Variants in ATP10B observed in about 807,000 individuals in gnomAD.
The protein encoded by ATP10B is phospholipid-transporting ATPase VB.
A neutral mutation model predicts 141.2 loss-of-function variants in ATP10B; 122 were observed. The ratio of observed to expected loss-of-function variants is 0.86; its 90% CI spans 0.75 to 1.00. The LOEUF (loss-of-function observed/expected upper bound fraction) is 1.00, where lower values mean the gene tolerates loss of function less well. Ranked by LOEUF, ATP10B falls within the 50% of genes least tolerant of loss-of-function variation. The probability of loss-of-function intolerance (pLI) is 0.00; values close to 1 mark genes in which losing one functional copy is unlikely to be tolerated. For missense variants in ATP10B, 1,876 were observed against 1,825.3 expected, an observed-to-expected ratio of 1.03 and a Z score of -0.51; for synonymous variants, 685 against 692.0, an observed-to-expected ratio of 0.99 and a Z score of 0.16.
chr5:160,842,273 C>T (rs1385804868), intron 1 of ATP10B, among the ~76,000 whole-genome samples: 1 of 152,054 alleles, frequency 6.6e-6, no homozygotes, highest in Non-Finnish European at 1.5e-5. Flanking sequence ...TCTAAAATAT[C>T]TTAAATTACA....
chr5:160,856,736 CTGAGA>C (rs995420881), upstream of ATP10B, among the ~76,000 whole-genome samples: 6 of 151,696 alleles, frequency 4.0e-5, no homozygotes, highest in African/African-American at 1.2e-4. Context: ...TTCTATTTTA[CTGAGA>C]TATTTTTTAT....
intron 2 of ATP10B, among the ~76,000 whole-genome samples, chr5:160,727,287 A>G (rs1290293689): frequency 6.6e-6 from 1 of 152,356 alleles, no homozygotes; most frequent in East Asian, 1.9e-4. Context: ...ATCATTTTCC[A>G]CAGGAGAAAA....
At chr5:160,725,055 A>T (rs1283468534) in intron 2 of ATP10B, among the ~76,000 whole-genome samples, 1 of 152,250 alleles carries the variant, frequency 6.6e-6, no homozygotes, top group Non-Finnish European at 1.5e-5. Flanking sequence ...CACTAAATAA[A>T]TATCTGTTGA....
chr5:160,895,676 C>A, the ATP10B span, among the ~76,000 whole-genome samples: 1 of 152,182 alleles, frequency 6.6e-6, no homozygotes, highest in Non-Finnish European at 1.5e-5. Flanking sequence ...AGGACTTGAA[C>A]TCAGCTCTGC....
chr5:160,620,704 G>A lies in ATP10B; in HGVS notation c.2059C>T (p.Gln687Ter), dbSNP rs755506087. 1.2e-6 allele frequency: 2 copies of A among 1,614,170 alleles called. No homozygotes were observed. The highest frequency in any genetic ancestry group is 4.5e-5 in the East Asian group (2 of 44,888). The change falls in exon 15 of 26, where the codon CAG (glutamine) becomes TAG (stop). Residue 687 changes from glutamine to a stop codon, truncating the protein, a stop_gained. Coordinates refer to ENST00000327245, the MANE Select transcript of ATP10B (RefSeq NM_025153.3). LOFTEE classifies it high-confidence loss of function. ...GACCCAGACTCCAGGATGTCGCCCT[G>A]GTCCCACATGCTGCTCCTGTAGCCA... ...DGGYRSSMWD[Q>*]GDILESGSGT...
Position 160,688,105 on chromosome 5 carries a change from A to T in ATP10B, c.-20-11T>A. 1 of 1,600,520 alleles carries T rather than the reference A, an allele frequency of 6.2e-7. No homozygotes were observed. Among genetic ancestry groups the T allele is most frequent in the Middle Eastern group, 2.2e-4 (1 of 4,602 alleles). ...GCAGCAGGCGAAGATCTGAAAACAGACACAGGAGGAGCTATGTTTAGGAGA... is the reference window on the plus strand; with the variant it reads ...GCAGCAGGCGAAGATCTGAAAACAGTCACAGGAGGAGCTATGTTTAGGAGA... On this transcript the variant is annotated splice_polypyrimidine_tract_variant and intron_variant, in intron 4 of 25. Coordinates refer to ENST00000327245, the MANE Select transcript of ATP10B (RefSeq NM_025153.3).
At chr5:160,594,868 T>C (rs372076393) in intron 22 of ATP10B, among the ~76,000 whole-genome samples, 7,735 of 152,220 alleles carry the variant, frequency 0.051, 349 homozygotes, top group East Asian at 0.22. Context: ...ATGCACCCAA[T>C]ACAGGAGCAC....
At chr5:160,715,753 C>G (rs1303438581) in intron 3 of ATP10B, among the ~76,000 whole-genome samples, 6 of 147,842 alleles carry the variant, frequency 4.1e-5, no homozygotes, top group Non-Finnish European at 9.0e-5. Context: ...ACTCTGTGGC[C>G]CAGGCTGGAG....
At chr5:160,923,770 TCAAGC>T in the ATP10B span, among the ~76,000 whole-genome samples, 2 of 152,232 alleles carry the variant, frequency 1.3e-5, no homozygotes, top group African/African-American at 4.8e-5. Flanking sequence ...AAGCTAGTCC[TCAAGC>T]CAAGAAGCCA....
chr5:160,565,727 G>T lies in ATP10B; in HGVS notation c.4112C>A (p.Ser1371Tyr), dbSNP rs756036351. 6.2e-7 allele frequency: 1 copy of T among 1,614,072 alleles called. No individual in the cohort carries two copies. Among genetic ancestry groups the T allele is most frequent in the Admixed American group, 1.7e-5 (1 of 60,026 alleles). The change falls in exon 26 of 26, where the codon TCT (serine) becomes TAT (tyrosine). Residue 1371 changes from serine (S) to tyrosine (Y), a missense_variant. By Grantham distance (144) the Ser-to-Tyr change is moderately radical. Coordinates refer to ENST00000327245, the MANE Select transcript of ATP10B (RefSeq NM_025153.3). ...VARPTHHPVS[S>Y]ITGQDFSAST... ...GGCACTGAAGTCCTGTCCTGTGATA[G>T]ATGACACTGGGTGGTGAGTTGGTCG...
chr5:160,812,018 G>GACAC (rs1252990602), intron 1 of ATP10B, among the ~76,000 whole-genome samples: 24 of 52,320 alleles, frequency 4.6e-4, no homozygotes, highest in Middle Eastern at 8.3e-3. Context: ...CAGAGACAGA[G>GACAC]ACAGAGAGAG....
At chr5:160,890,805 C>G in the ATP10B span, among the ~76,000 whole-genome samples, 1 of 152,144 alleles carries the variant, frequency 6.6e-6, no homozygotes, top group Non-Finnish European at 1.5e-5. Context: ...GCCTCTAACT[C>G]CTGAGTACAA....
chr5:160,620,513 C>T lies in ATP10B; in HGVS notation c.2250G>A (p.Leu750=). ...TGAAGGTGAGGCAGGTGCCCTGGGG[C>T]AGGCGCACAGTCACCTGCTCAGGTG... ...SRTPEQVTVR[L]PQGTCLTFSL... The change falls in exon 15 of 26, where the codon CTG becomes CTA. Residue 750 remains leucine, a synonymous_variant. Coordinates refer to ENST00000327245, the MANE Select transcript of ATP10B (RefSeq NM_025153.3). 1 of 1,614,156 alleles carries T rather than the reference C, an allele frequency of 6.2e-7. No homozygotes were observed. The highest frequency in any genetic ancestry group is 1.1e-5 in the South Asian group (1 of 91,078).
At chr5:160,848,037 T>C (rs1776230126) in intron 1 of ATP10B, among the ~76,000 whole-genome samples, 1 of 152,172 alleles carries the variant, frequency 6.6e-6, no homozygotes, top group Non-Finnish European at 1.5e-5. Context: ...CTGGGGAAAA[T>C]AACTATTTAT....
intron 9 of ATP10B, among the ~76,000 whole-genome samples, chr5:160,642,894 C>T (rs1759977993): frequency 6.6e-6 from 1 of 152,252 alleles, no homozygotes; most frequent in Non-Finnish European, 1.5e-5. Context: ...CCATGGTTAA[C>T]ACTCCATATC....
rs776356141 is a variant in ATP10B at position 160,569,628 on chromosome 5, G to T, written c.3806C>A (p.Ser1269Tyr). ...GACGCAGGTGGCATTGTACAGGAGG[G>T]ATACCAGAAAGTACATCAGGAAGCT... ...LGSFLMYFLVSLLYNATCVIC... is the reference protein window; with the variant it reads ...LGSFLMYFLVYLLYNATCVIC... Residue 1269 changes from serine (S) to tyrosine (Y), a missense_variant, in exon 25 of 26, where the codon TCC (serine) becomes TAC (tyrosine). Transcript: ENST00000327245. 1 of 1,608,944 alleles carries T rather than the reference G, an allele frequency of 6.2e-7. No individual in the cohort carries two copies. The highest frequency in any genetic ancestry group is 8.5e-7 in the Non-Finnish European group (1 of 1,177,978).
At chr5:160,780,184 G>A (rs1487490977) in intron 2 of ATP10B, among the ~76,000 whole-genome samples, 1 of 152,156 alleles carries the variant, frequency 6.6e-6, no homozygotes, top group Admixed American at 6.5e-5. Flanking sequence ...TTCCTCTAGA[G>A]GAGGGTGAGA....
Position 160,598,757 on chromosome 5 carries a change from C to T in ATP10B, c.3564+13G>A, listed in dbSNP as rs571435566. The T allele has an allele frequency of 1.2e-6, 2 of 1,613,448 alleles. No individual in the cohort carries two copies. Among genetic ancestry groups the T allele is most frequent in the African/African-American group, 1.3e-5 (1 of 74,990 alleles). On this transcript the variant is annotated intron_variant, in intron 22 of 25. Coordinates refer to ENST00000327245, the MANE Select transcript of ATP10B (RefSeq NM_025153.3). The stretch of plus-strand genomic sequence containing the variant: ...GCTGAAGTCACCTCCCTTTGGCTGC[C>T]CGATCTCCTTACCTCAGAGTTCTGG...
At chr5:160,787,098 T>TGACACA (rs1241733608) in intron 1 of ATP10B, among the ~76,000 whole-genome samples, 7 of 116,868 alleles carry the variant, frequency 6.0e-5, no homozygotes, top group African/African-American at 2.4e-4. Context: ...TGAAGGGTTT[T>TGACACA]GACACAGACA....
Sources: gnomAD v4.1 joint callset for allele counts (sites outside exome capture counted in the v4.1 genomes callset) on GRCh38, gnomAD v4.1.1 for gene constraint, MANE v1.5 for transcripts, NCBI Gene and HGNC (gene_info 2026-07-23, HGNC 2026-07-21) for gene names.